NUGGC: variants seen among roughly 807,000 people sequenced by gnomAD.
NUGGC encodes nuclear GTPase SLIP-GC.
In NUGGC, 58 loss-of-function variants were observed where a neutral mutation model predicts 92.6. The observed-to-expected ratio is 0.63, with a 90% CI of 0.51 to 0.78. The LOEUF (loss-of-function observed/expected upper bound fraction) is 0.78, where lower values mean the gene tolerates loss of function less well. Ranked by LOEUF, NUGGC falls within the 30% of genes least tolerant of loss-of-function variation. NUGGC has a pLI of 0.00. For missense variants in NUGGC, 925 were observed against 964.6 expected (o/e 0.96, Z 0.54); for synonymous variants, 376 against 366.4 (o/e 1.03, Z -0.30).
chr8:28,050,724 T>G (rs1474402779), intron 10 of NUGGC, among the ~76,000 whole-genome samples: 1 of 151,668 alleles, frequency 6.6e-6, no homozygotes, highest in Non-Finnish European at 1.5e-5. Flanking sequence ...GGCAGGAGAA[T>G]CACTTGAACC....
chr8:28,064,616 A>G lies in NUGGC; in HGVS notation c.827T>C (p.Leu276Pro). ...WPLIKHVEVTLPKSDLIPEGV... is the reference protein window; with the variant it reads ...WPLIKHVEVTPPKSDLIPEGV... ...TTCTGGGATCAGGTCGGATTTGGGA[A>G]GTGTCACTTCCACATGTTTGATCAA... Residue 276 changes from leucine (L) to proline (P), a missense_variant, in exon 7 of 19, where the codon CTT becomes CCT. Transcript: ENST00000413272. The G allele has an allele frequency of 6.2e-7, 1 of 1,614,030 alleles. No homozygotes were observed. Among genetic ancestry groups the G allele is most frequent in the African/African-American group, 1.3e-5 (1 of 75,056 alleles).
At chr8:28,078,954 C>T (rs1175272444) in intron 1 of NUGGC, among the ~76,000 whole-genome samples, 2 of 152,310 alleles carry the variant, frequency 1.3e-5, no homozygotes, top group East Asian at 3.9e-4. Flanking sequence ...TGTATTTCAG[C>T]TATGTGGTTA....
intron 16 of NUGGC, among the ~76,000 whole-genome samples, 159 bp downstream of exon 16, chr8:28,030,151 C>T (rs548792315): frequency 1.3e-5 from 2 of 152,336 alleles, no homozygotes; most frequent in African/African-American, 4.8e-5. Flanking sequence ...AGGGTCCTCA[C>T]ACCCTGCAGT....
At chr8:28,060,214 G>A (rs1810262532) in intron 8 of NUGGC, 1 of 672,256 alleles carries the variant, frequency 1.5e-6, no homozygotes, top group Admixed American at 2.0e-5. Flanking sequence ...TTGGCACTAA[G>A]CAGCTACCCT....
At chr8:28,051,934 C>CA (rs1273050084) in intron 10 of NUGGC, among the ~76,000 whole-genome samples, 8 of 149,952 alleles carry the variant, frequency 5.3e-5, no homozygotes, top group South Asian at 2.1e-4. Flanking sequence ...CAAAACAAAA[C>CA]AAAAACAAAA....
rs1163372262 is a variant in NUGGC at position 28,076,991 on chromosome 8, T to G, written c.-46-2535A>C. Among the ~76,000 whole-genome samples the G allele has an allele frequency of 2.8e-4, 43 of 152,226 alleles. 1 individual carries two copies. The highest frequency in any genetic ancestry group is 2.8e-3 in the Admixed American group (43 of 15,280). Reference sequence around the variant, plus strand: ...TTCTGCCTCTAGAGGTGTCTGAACCTATATTGATATGACCACCTAATAACG... The same window carrying G: ...TTCTGCCTCTAGAGGTGTCTGAACCGATATTGATATGACCACCTAATAACG... On this transcript the variant is annotated intron_variant, in intron 1 of 18. Coordinates refer to ENST00000413272, the MANE Select transcript of NUGGC (RefSeq NM_001010906.2).
chr8:28,059,283 TTA>T (rs957034820), intron 8 of NUGGC, among the ~76,000 whole-genome samples: 6 of 152,128 alleles, frequency 3.9e-5, no homozygotes, highest in African/African-American at 1.4e-4. Context: ...AAAGCCCAGT[TTA>T]TACCCGCTGA....
At chr8:28,028,803 A>G (rs186536934) in intron 17 of NUGGC, among the ~76,000 whole-genome samples, 18 of 152,326 alleles carry the variant, frequency 1.2e-4, no homozygotes, top group African/African-American at 3.4e-4. Flanking sequence ...ATATTTACTT[A>G]CTGACATTTT....
intron 18 of NUGGC, among the ~76,000 whole-genome samples, chr8:28,026,260 C>T (rs1809256899): frequency 6.6e-6 from 1 of 152,208 alleles, no homozygotes; most frequent in African/African-American, 2.4e-5. Flanking sequence ...CCACCCTCCC[C>T]CCATATAAGG....
Position 28,073,039 on chromosome 8 carries a change from C to G in NUGGC, c.43+1329G>C, listed in dbSNP as rs973773343. ...TTTTTTTTGAGACGAGGTCTCCACT[C>G]TCGCCCAGGCTGGAGTGCAATGGCT... On this transcript the variant is annotated intron_variant, in intron 2 of 18. Coordinates refer to ENST00000413272, the MANE Select transcript of NUGGC (RefSeq NM_001010906.2). Among the ~76,000 whole-genome samples, 8 of 150,244 alleles carry G rather than the reference C, an allele frequency of 5.3e-5. No homozygotes were observed. In the South Asian group the frequency reaches 8.4e-4, roughly 16 times the overall value.
chr8:28,036,851 A>C (rs1809566646), intron 13 of NUGGC, among the ~76,000 whole-genome samples: 1 of 152,198 alleles, frequency 6.6e-6, no homozygotes, highest in African/African-American at 2.4e-5. Context: ...GCTGCGCTTT[A>C]GTCAGGAGTA....
Position 28,022,689 on chromosome 8 carries a change from C to T in NUGGC, c.*628G>A, listed in dbSNP as rs1809147465. On this transcript the variant is annotated 3_prime_UTR_variant, in exon 19 of 19. Coordinates refer to ENST00000413272, the MANE Select transcript of NUGGC (RefSeq NM_001010906.2). The stretch of plus-strand genomic sequence containing the variant: ...ATGCCTGCAATCCTAGCACAAGAGA[C>T]TGAGGTGGGAGAGAATCACTTGAGG... 1 of 152,098 alleles carries T rather than the reference C, an allele frequency of 6.6e-6. No individual in the cohort carries two copies. The highest frequency in any genetic ancestry group is 1.5e-5 in the Non-Finnish European group (1 of 68,038). The allele number at this position is 152,098 out of a possible 1,614,324, so 9.4% of individuals were successfully genotyped here.
rs1330246797 is a variant in NUGGC at position 28,060,620 on chromosome 8, G to A, written c.922-19C>T. 1.9e-6 allele frequency: 3 copies of A among 1,601,590 alleles called. No individual in the cohort carries two copies. The highest frequency in any genetic ancestry group is 1.7e-5 in the Admixed American group (1 of 58,156). ...CAATGGTCTGCAAAACATGACCACG[G>A]CATGTGTCAGCACAGGAATGGAGTC... On this transcript the variant is annotated intron_variant, in intron 7 of 18. Coordinates refer to ENST00000413272, the MANE Select transcript of NUGGC (RefSeq NM_001010906.2).
chr8:28,023,505 T>C (rs767645943), intron 18 of NUGGC, 43 bp from the exon 19 acceptor site: 3 of 1,577,670 alleles, frequency 1.9e-6, no homozygotes, highest in Non-Finnish European at 2.6e-6. Context: ...TGGTGTCCGT[T>C]GCAGAAACGT....
chr8:28,079,583 G>C (rs568228313), intron 1 of NUGGC, among the ~76,000 whole-genome samples: 7 of 152,274 alleles, frequency 4.6e-5, no homozygotes, highest in Admixed American at 3.3e-4. Context: ...CAGACCCTGA[G>C]GACCAGGAAG....
intron 12 of NUGGC, among the ~76,000 whole-genome samples, chr8:28,043,994 G>T (rs1809764081): frequency 6.6e-6 from 1 of 151,976 alleles, no homozygotes; most frequent in South Asian, 2.1e-4. Flanking sequence ...ATTGAATTTT[G>T]CTCTATATGC....
intron 12 of NUGGC, among the ~76,000 whole-genome samples, chr8:28,043,166 T>C (rs994746451): frequency 1.3e-5 from 2 of 152,194 alleles, no homozygotes; most frequent in African/African-American, 4.8e-5. Context: ...ATTCTCACAA[T>C]GCCTCACTCT....
At chr8:28,034,778 C>A (rs566062117) in intron 13 of NUGGC, among the ~76,000 whole-genome samples, 1 of 152,044 alleles carries the variant, frequency 6.6e-6, no homozygotes, top group Admixed American at 6.6e-5. Flanking sequence ...GATCGCAGCA[C>A]TGCACTCCAG....
In NUGGC at chr8:28,064,504, C is replaced by A. The variant is rs1439252882; in HGVS notation, c.921+18G>T. 6.2e-7 allele frequency: 1 copy of A among 1,610,096 alleles called. No individual in the cohort carries two copies. On this transcript the variant is annotated intron_variant, in intron 7 of 18. Coordinates refer to ENST00000413272, the MANE Select transcript of NUGGC (RefSeq NM_001010906.2). ...GGAGTTTAGGGAAGAGAGAACTAAA[C>A]CTACGAAAGACAGTCACCTTTTTCC...
Sources: gnomAD v4.1 joint callset for allele counts (sites outside exome capture counted in the v4.1 genomes callset) on GRCh38, gnomAD v4.1.1 for gene constraint, MANE v1.5 for transcripts, NCBI Gene and HGNC (gene_info 2026-07-23, HGNC 2026-07-21) for gene names.